The following PRR5 variants were observed in gnomAD, a reference collection of about 807,000 sequenced individuals.
PRR5 encodes proline rich 5, also known as proline-rich protein 5.
In PRR5, 25 loss-of-function variants were observed where a neutral mutation model predicts 30.6. That is an observed-to-expected ratio of 0.82 (90% CI 0.60 to 1.14). The LOEUF (loss-of-function observed/expected upper bound fraction) is 1.14, where lower values mean the gene tolerates loss of function less well. PRR5 is among the 50% of genes most tolerant of loss of function. The pLI, the probability that PRR5 is intolerant of heterozygous loss-of-function variation, is 0.00. For synonymous variants in PRR5, 286 were observed against 247.1 expected (o/e 1.16, Z -1.48); for missense variants, 600 against 547.1 (o/e 1.10, Z -0.96).
At chr22:44,726,836 G>A (rs1043339936) in intron 4 of PRR5, among the ~76,000 whole-genome samples, 5 of 152,146 alleles carry the variant, frequency 3.3e-5, no homozygotes, top group African/African-American at 9.7e-5. Flanking sequence ...TCTGCCCCCC[G>A]AACTTGCTGG....
intron 1 of PRR5, among the ~76,000 whole-genome samples, chr22:44,705,485 G>A (rs868812027): frequency 9.3e-5 from 14 of 150,686 alleles, no homozygotes; most frequent in African/African-American, 2.0e-4. Flanking sequence ...CACCACGCCC[G>A]GCTAATTTTT....
rs1923495802 is a variant in PRR5, at chr22:44,737,464, T to C, written c.*217T>C. 9.9e-7 allele frequency: 1 copy of C among 1,005,530 alleles called. No homozygotes were observed. The highest frequency in any genetic ancestry group is 1.4e-6 in the Non-Finnish European group (1 of 730,812). 62.3% of individuals were successfully genotyped at this position (1,005,530 alleles called of 1,614,324 possible). A position where few individuals can be genotyped will look rare whatever the true frequency, so the allele number is the denominator to read the frequency against. On this transcript the variant is annotated 3_prime_UTR_variant, in exon 8 of 8. Coordinates refer to ENST00000336985, the MANE Select transcript of PRR5 (RefSeq NM_181333.4). ...TCTGTTTCAGGCATCTGAGTCGGCG[T>C]TTACCCAGGGGCCGGGCCAGAGACG...
intron 1 of PRR5, among the ~76,000 whole-genome samples, chr22:44,694,805 G>A (rs970702051): frequency 6.6e-6 from 1 of 152,144 alleles, no homozygotes; most frequent in Non-Finnish European, 1.5e-5. Flanking sequence ...CAGGAGGAAC[G>A]TGGTCTTATC....
chr22:44,734,377 G>A (rs1345359493), intron 6 of PRR5: 2 of 152,370 alleles, frequency 1.3e-5, no homozygotes, highest in African/African-American at 2.4e-5. Flanking sequence ...GCAAGCACTC[G>A]TTATAAGTCA....
intron 1 of PRR5, among the ~76,000 whole-genome samples, chr22:44,690,501 A>T (rs961344882): frequency 6.6e-6 from 1 of 152,076 alleles, no homozygotes; most frequent in Non-Finnish European, 1.5e-5. Flanking sequence ...TGTCACGGCC[A>T]AGGCTGAGTG....
intron 2 of PRR5, among the ~76,000 whole-genome samples, chr22:44,718,808 T>A (rs144283549): frequency 6.6e-6 from 1 of 152,334 alleles, no homozygotes; most frequent in Non-Finnish European, 1.5e-5. Context: ...TGGAGAACTG[T>A]CTGTTCCCAT....
chr22:44,726,275 G>A (rs1052451062), intron 3 of PRR5, among the ~76,000 whole-genome samples: 1 of 152,190 alleles, frequency 6.6e-6, no homozygotes, highest in Non-Finnish European at 1.5e-5. Flanking sequence ...CTTCACTGTG[G>A]GACATGCCAG....
In PRR5 at chr22:44,702,430, C is replaced by T. The variant is rs1241194732; in HGVS notation, c.-45C>T. 7.9e-7 allele frequency: 1 copy of T among 1,272,868 alleles called. No homozygotes were observed. The highest frequency in any genetic ancestry group is 9.9e-7 in the Non-Finnish European group (1 of 1,007,856). The allele number at this position is 1,272,868 out of a possible 1,614,324, so 78.8% of individuals were successfully genotyped here. A position where few individuals can be genotyped will look rare whatever the true frequency, so the allele number is the denominator to read the frequency against. ...CCTTGGTGCGGCGTGGCGCAGGGCG[C>T]GGCGTGGGGCGCGCGTGGGCGCGGC... is the stretch of plus-strand genomic sequence containing the variant. On this transcript the variant is annotated 5_prime_UTR_variant, in exon 1 of 8. Coordinates refer to ENST00000336985, the MANE Select transcript of PRR5 (RefSeq NM_181333.4).
chr22:44,736,857 G>A lies in PRR5; in HGVS notation c.777G>A (p.Leu259=). 1.2e-6 allele frequency: 2 copies of A among 1,608,646 alleles called. No homozygotes were observed. Among genetic ancestry groups the A allele is most frequent in the Non-Finnish European group, 1.7e-6 (2 of 1,177,356 alleles). Residue 259 remains leucine, a synonymous_variant, in exon 8 of 8, where the codon CTG becomes CTA. Transcript: ENST00000336985. The part of the protein sequence containing the change: ...VVRSKSYNTP[L]LNPVQEHEAE... ...GCTCCAAGAGCTACAACACGCCTCTGCTGAACCCCGTGCAGGAGCACGAGG... is the reference window on the plus strand; with the variant it reads ...GCTCCAAGAGCTACAACACGCCTCTACTGAACCCCGTGCAGGAGCACGAGG...
chr22:44,714,821 A>C, intron 2 of PRR5, 150 bp downstream of exon 2: 2 of 1,115,432 alleles, frequency 1.8e-6, no homozygotes, highest in Non-Finnish European at 2.5e-6. Context: ...GCGAGGCCCA[A>C]GTTAGCAGTG....
intron 1 of PRR5, among the ~76,000 whole-genome samples, chr22:44,681,761 G>A (rs879595135): frequency 6.6e-5 from 10 of 152,162 alleles, no homozygotes; most frequent in Non-Finnish European, 1.3e-4. Context: ...TGAGTCCCAG[G>A]GGGACACCTG....
chr22:44,690,281 G>T (rs1228702185), intron 1 of PRR5, among the ~76,000 whole-genome samples: 1 of 152,178 alleles, frequency 6.6e-6, no homozygotes, highest in Non-Finnish European at 1.5e-5. Flanking sequence ...GTTGACCTGT[G>T]CCTGAACGTT....
intron 1 of PRR5, among the ~76,000 whole-genome samples, chr22:44,708,542 C>T (rs1927603520): frequency 2.0e-5 from 3 of 152,188 alleles, no homozygotes; most frequent in Admixed American, 6.5e-5. Flanking sequence ...CACCGTGCTC[C>T]CCATTACACA....
At chr22:44,714,329 G>T (rs954966556) in intron 1 of PRR5, among the ~76,000 whole-genome samples, 1 of 152,196 alleles carries the variant, frequency 6.6e-6, no homozygotes, top group African/African-American at 2.4e-5. Context: ...AGCTGGCTGA[G>T]GTTTGGCCAC....
At chr22:44,729,875 C>T in intron 4 of PRR5, 1 of 985,488 alleles carries the variant, frequency 1.0e-6, no homozygotes, top group Non-Finnish European at 1.2e-6. Context: ...CCCGGCCAGC[C>T]CGGGAACTGA....
rs963161392 is a variant in PRR5 at position 44,737,421 on chromosome 22, T to A, written c.*174T>A. 28 of 1,312,694 alleles carry A rather than the reference T, an allele frequency of 2.1e-5. No homozygotes were observed. In the South Asian group the frequency reaches 4.6e-4, roughly 21 times the overall value. 81.3% of individuals were successfully genotyped at this position (1,312,694 alleles called of 1,614,324 possible). A position where few individuals can be genotyped will look rare whatever the true frequency, so the allele number is the denominator to read the frequency against. On this transcript the variant is annotated 3_prime_UTR_variant, in exon 8 of 8. Coordinates refer to ENST00000336985, the MANE Select transcript of PRR5 (RefSeq NM_181333.4). ...GTCTTGGTTGGAAATACCATCAGCC[T>A]TCCTTGCTCGGCCCAGGTCTGTTTC... is the stretch of plus-strand genomic sequence containing the variant.
chr22:44,711,458 A>G (rs1268096209), intron 1 of PRR5, among the ~76,000 whole-genome samples: 1 of 152,028 alleles, frequency 6.6e-6, no homozygotes, highest in African/African-American at 2.4e-5. Flanking sequence ...GGTCAGAGGG[A>G]GAACCTCATC....
rs1161033530 is a variant in PRR5 at position 44,735,694 on chromosome 22, C to T, written c.691+532C>T. Among the ~76,000 whole-genome samples, 3 of 152,318 alleles carry T rather than the reference C, an allele frequency of 2.0e-5. No homozygotes were observed. In the East Asian group the frequency reaches 5.8e-4, roughly 29 times the overall value. Reference sequence around the variant, plus strand: ...GCCCCATCCCGAGCCCACGCCCTTCCCCTCCCGCGGGGGAGGCCGACCAGT... The same window carrying T: ...GCCCCATCCCGAGCCCACGCCCTTCTCCTCCCGCGGGGGAGGCCGACCAGT... On this transcript the variant is annotated intron_variant, in intron 7 of 7. Transcript: ENST00000336985.
intron 1 of PRR5, among the ~76,000 whole-genome samples, chr22:44,682,019 C>G (rs944560212): frequency 5.9e-5 from 9 of 152,228 alleles, no homozygotes; most frequent in Non-Finnish European, 1.2e-4. Context: ...GGAGACAGCA[C>G]AGAGGGAACC....
Sources: allele counts gnomAD v4.1 joint callset (sites outside exome capture counted in the v4.1 genomes callset), GRCh38; gene constraint gnomAD v4.1.1; transcripts MANE v1.5; gene names NCBI Gene and HGNC (gene_info 2026-07-23, HGNC 2026-07-21).